Variants in CNGB1 observed in about 807,000 individuals in gnomAD.
CNGB1 encodes cyclic nucleotide gated channel subunit beta 1.
CNGB1 carries 126 observed loss-of-function variants against 151.7 expected under a neutral mutation model. The observed-to-expected ratio is 0.83, with a 90% confidence interval of 0.72 to 0.96. The LOEUF (loss-of-function observed/expected upper bound fraction) is 0.96. Ranked by LOEUF, CNGB1 falls within the 40% of genes least tolerant of loss-of-function variation. The pLI is 0.00. For synonymous variants in CNGB1, 623 were observed against 635.1 expected (o/e 0.98, Z 0.29); for missense variants, 1,698 against 1,627.0 (o/e 1.04, Z -0.75).
rs376908266 is a variant in CNGB1, at chr16:57,887,554, A to G, written c.3462+301T>C. ...AGAACTCTTGAGAACCTGTCTGGAG[A>G]TAAAACCATCACTGAATAAAGCAGA... On this transcript the variant is annotated intron_variant, in intron 32 of 32. Transcript: ENST00000251102. Among the ~76,000 whole-genome samples the G allele has an allele frequency of 1.3e-4, 20 of 151,904 alleles. 1 individual carries two copies. The South Asian group carries it at 4.2e-3, about 32-fold the overall frequency.
At chr16:57,924,738 C>T (rs1207529009) in intron 17 of CNGB1, among the ~76,000 whole-genome samples, 1 of 152,016 alleles carries the variant, frequency 6.6e-6, no homozygotes, top group Non-Finnish European at 1.5e-5. Flanking sequence ...ATCACGGGGG[C>T]GGAGTTCTCA....
chr16:57,888,095 T>A, intron 31 of CNGB1, 21 bp from the exon 32 acceptor site: 1 of 1,610,036 alleles, frequency 6.2e-7, no homozygotes, highest in Middle Eastern at 1.7e-4. Context: ...GCAGCATCCA[T>A]TGACATCACA....
In CNGB1 at chr16:57,962,827, G is replaced by T. The variant is rs750383621; in HGVS notation, c.412+15C>A. ...AGCCCTGCTGCTGAAAAGCCATCCT[G>T]CCCCTTGTTCTTACCTGTGTCCCCA... On this transcript the variant is annotated intron_variant, in intron 6 of 32. Coordinates refer to ENST00000251102, the MANE Select transcript of CNGB1 (RefSeq NM_001297.5). The T allele has an allele frequency of 1.2e-6, 2 of 1,612,610 alleles. No individual in the cohort carries two copies. The highest frequency in any genetic ancestry group is 2.2e-5 in the South Asian group (2 of 91,074).
chr16:57,962,010 G>A (rs1297099287), intron 7 of CNGB1, among the ~76,000 whole-genome samples: 1 of 152,180 alleles, frequency 6.6e-6, no homozygotes, highest in Admixed American at 6.5e-5. Flanking sequence ...TAGCTTCTCT[G>A]GAAAACCTGG....
chr16:57,913,195 CCCGT>C (rs1191830315), intron 23 of CNGB1, among the ~76,000 whole-genome samples: 1 of 152,168 alleles, frequency 6.6e-6, no homozygotes, highest in Non-Finnish European at 1.5e-5. Context: ...AAAGTCATAG[CCCGT>C]CTTCCCTTGG....
At chr16:57,945,971 G>A (rs1005981824) in intron 14 of CNGB1, among the ~76,000 whole-genome samples, 11 of 152,168 alleles carry the variant, frequency 7.2e-5, no homozygotes, top group Non-Finnish European at 1.3e-4. Context: ...CAGTGGTGGC[G>A]CTGTCAGCAT....
intron 19 of CNGB1, among the ~76,000 whole-genome samples, chr16:57,920,064 G>A (rs1386671262): frequency 9.2e-5 from 14 of 152,180 alleles, no homozygotes; most frequent in African/African-American, 3.4e-4. Flanking sequence ...CACACAATCT[G>A]AGTGTAAGAC....
intron 1 of CNGB1, among the ~76,000 whole-genome samples, chr16:57,970,294 G>A (rs556096581): frequency 6.6e-6 from 1 of 152,276 alleles, no homozygotes; most frequent in East Asian, 1.9e-4. Flanking sequence ...GCCAGCCCCA[G>A]GCAGCCCCGA....
intron 31 of CNGB1, among the ~76,000 whole-genome samples, chr16:57,892,031 C>T (rs1452496087): frequency 3.1e-5 from 4 of 130,516 alleles, no homozygotes; most frequent in Non-Finnish European, 6.5e-5. Flanking sequence ...GCTGGGGGGC[C>T]ATTTTAAACA....
chr16:57,921,747 AC>A (rs1961042164), intron 18 of CNGB1, among the ~76,000 whole-genome samples: 1 of 152,166 alleles, frequency 6.6e-6, no homozygotes, highest in Admixed American at 6.5e-5. Flanking sequence ...TCTAGTGGTG[AC>A]CAGTGGGACA....
Position 57,920,473 on chromosome 16 carries a change from A to G in CNGB1, c.1715T>C (p.Val572Ala). 1 of 1,614,084 alleles carries G rather than the reference A, an allele frequency of 6.2e-7. No individual in the cohort carries two copies. Among genetic ancestry groups the G allele is most frequent in the Non-Finnish European group, 8.5e-7 (1 of 1,180,024 alleles). The change falls in exon 19 of 33, where the codon GTG becomes GCG. Residue 572 changes from valine to alanine, a missense_variant. Coordinates refer to ENST00000251102, the MANE Select transcript of CNGB1 (RefSeq NM_001297.5). ...AIINDRLQELVKLFKERTEKV... is the reference protein window; with the variant it reads ...AIINDRLQELAKLFKERTEKV... Reference sequence around the variant, plus strand: ...CTCTGTCCGCTCCTTGAAGAGCTTCACCAGCTCCTGGAGCCGGTCGTTGAT... The same window carrying G: ...CTCTGTCCGCTCCTTGAAGAGCTTCGCCAGCTCCTGGAGCCGGTCGTTGAT...
chr16:57,893,986 C>T (rs531782541), intron 31 of CNGB1, among the ~76,000 whole-genome samples: 5 of 152,294 alleles, frequency 3.3e-5, no homozygotes, highest in Admixed American at 6.5e-5. Context: ...TGACACACTA[C>T]GTTGCCTGTC....
At position 57,904,834 on chromosome 16, in the gene CNGB1, G is replaced by A. The variant is rs1960498958; in HGVS notation, c.2534C>T (p.Thr845Ile). 10 of 1,614,200 alleles carry A rather than the reference G, an allele frequency of 6.2e-6. No homozygotes were observed. The East Asian group carries it at 2.2e-4, about 36-fold the overall frequency. ...CTTGGGGTCAGGCAGCCCCCCGATG[G>A]TGATGAGGGTCTTCACAGCAAAGTA... ...CYYFAVKTLI[T>I]IGGLPDPKTL... Residue 845 changes from threonine to isoleucine, a missense_variant, in exon 26 of 33, where the codon ACC becomes ATC. By Grantham distance (89) the Thr-to-Ile change is moderately conservative. Transcript: ENST00000251102.
intron 31 of CNGB1, among the ~76,000 whole-genome samples, chr16:57,892,917 G>A (rs1489306698): frequency 5.3e-5 from 8 of 152,136 alleles, no homozygotes. Flanking sequence ...CTCCTCCCGT[G>A]GCTTTGTGTT....
At position 57,931,875 on chromosome 16, in the gene CNGB1, G is replaced by A; in HGVS notation, c.1376C>T (p.Pro459Leu). The change falls in exon 17 of 33, where the codon CCT becomes CTT. Residue 459 changes from proline to leucine, a missense_variant. Physicochemically the swap from Pro to Leu is moderately conservative, Grantham distance 98 (BLOSUM62 -3). Transcript: ENST00000251102. ...AEAEAASSGV[P>L]ATKQHPEVQV... ...CACTTCTGGGTGCTGTTTCGTGGCA[G>A]GCACTGGGGGAGAGGAAGGAGAGGA... 1.2e-6 allele frequency: 2 copies of A among 1,614,128 alleles called. No homozygotes were observed. The highest frequency in any genetic ancestry group is 1.7e-4 in the Middle Eastern group (1 of 6,054).
At chr16:57,901,070 T>C (rs1960371355) in intron 29 of CNGB1, among the ~76,000 whole-genome samples, 2 of 135,444 alleles carry the variant, frequency 1.5e-5, no homozygotes, top group Non-Finnish European at 3.2e-5. Flanking sequence ...GGGGGGGGGG[T>C]CTTTGTCCTG....
intron 26 of CNGB1, among the ~76,000 whole-genome samples, 188 bp downstream of exon 26, chr16:57,904,546 T>A (rs1261894020): frequency 3.3e-5 from 5 of 152,054 alleles, no homozygotes; most frequent in African/African-American, 1.2e-4. Flanking sequence ...AGAGAGGGAA[T>A]AGGGCCGAGT....
At chr16:57,896,464 C>A (rs1393399117) in intron 31 of CNGB1, among the ~76,000 whole-genome samples, 1 of 152,118 alleles carries the variant, frequency 6.6e-6, no homozygotes, top group African/African-American at 2.4e-5. Context: ...CCTGTAATCC[C>A]AGCACTTTGG....
chr16:57,940,302 C>T lies in CNGB1; in HGVS notation c.1141G>A (p.Val381Met), dbSNP rs1285722543. The T allele has an allele frequency of 6.3e-7, 1 of 1,582,520 alleles. No homozygotes were observed. Among genetic ancestry groups the T allele is most frequent in the Non-Finnish European group, 8.6e-7 (1 of 1,164,466 alleles). Residue 381 changes from valine (V) to methionine (M), a missense_variant, in exon 15 of 33, where the codon GTG (valine) becomes ATG (methionine). Transcript: ENST00000251102. ...TGGCCCACGCCCACCTGCGACACCA[C>T]ACAGCTATCCAGCAGCACCCTGTGA... ...EVTEVLLDSC[V>M]VSQVGVGQSE...
Sources: gnomAD v4.1 joint callset for allele counts (sites outside exome capture counted in the v4.1 genomes callset) on GRCh38, gnomAD v4.1.1 for gene constraint, MANE v1.5 for transcripts, NCBI Gene and HGNC (gene_info 2026-07-23, HGNC 2026-07-21) for gene names.